PCSK1: variants seen among roughly 807,000 people sequenced by gnomAD.
The protein encoded by PCSK1 is proprotein convertase subtilisin/kexin type 1.
PCSK1 carries 56 observed loss-of-function variants against 90.6 expected under a neutral mutation model. That is an observed-to-expected ratio of 0.62 (90% CI 0.50 to 0.77). The LOEUF is 0.77. Ranked by LOEUF, PCSK1 falls within the 30% of genes least tolerant of loss-of-function variation. The pLI is 0.00. For missense variants in PCSK1, 801 were observed against 932.6 expected (o/e 0.86, Z 1.84); for synonymous variants, 348 against 342.4 (o/e 1.02, Z -0.18).
intron 5 of PCSK1, 65 bp downstream of exon 5, chr5:96,421,815 A>G: frequency 1.1e-6 from 1 of 898,310 alleles, no homozygotes; most frequent in Non-Finnish European, 1.9e-6. Flanking sequence ...ATATGGTATA[A>G]TTTTCTCAAA....
chr5:96,420,680 T>G (rs1419937768), intron 5 of PCSK1, among the ~76,000 whole-genome samples: 1 of 136,346 alleles, frequency 7.3e-6, no homozygotes, highest in Non-Finnish European at 1.5e-5. Context: ...AAGAAAGAAA[T>G]AACTTTAGAT....
At chr5:96,418,371 T>A (rs1761001333) in intron 5 of PCSK1, among the ~76,000 whole-genome samples, 1 of 152,248 alleles carries the variant, frequency 6.6e-6, no homozygotes, top group Non-Finnish European at 1.5e-5. Flanking sequence ...GTTTAAATAC[T>A]ACCCTTATTC....
At position 96,412,323 on chromosome 5, in the gene PCSK1, T is replaced by G. The variant is rs1760782150; in HGVS notation, c.877A>C (p.Lys293Gln). 1 of 1,613,942 alleles carries G rather than the reference T, an allele frequency of 6.2e-7. No individual in the cohort carries two copies. The highest frequency in any genetic ancestry group is 1.3e-5 in the African/African-American group (1 of 74,922). ...LAQKAFEYGV[K>Q]QGRQGKGSIF... ...GTCTGTGTAAAGCATCTTACCTGTT[T>G]GACACCATATTCAAAAGCCTTCTGG... The change falls in exon 7 of 14, where the codon AAA becomes CAA. Residue 293 changes from lysine to glutamine, a missense_variant. Coordinates refer to ENST00000311106, the MANE Select transcript of PCSK1 (RefSeq NM_000439.5).
chr5:96,416,624 C>T (rs1760945766), intron 5 of PCSK1, among the ~76,000 whole-genome samples: 1 of 152,124 alleles, frequency 6.6e-6, no homozygotes, highest in South Asian at 2.1e-4. Flanking sequence ...TAGAACAAGT[C>T]CCCTATTAAG....
At chr5:96,404,257 G>C (rs1760480446) in intron 9 of PCSK1, among the ~76,000 whole-genome samples, 1 of 152,148 alleles carries the variant, frequency 6.6e-6, no homozygotes, top group Admixed American at 6.5e-5. Context: ...CTTGGTTAAG[G>C]TATTACTAGC....
At chr5:96,415,881 G>T in intron 6 of PCSK1, 152 bp downstream of exon 6, 1 of 656,202 alleles carries the variant, frequency 1.5e-6, no homozygotes, top group East Asian at 2.8e-5. Context: ...TTGACTCGCT[G>T]GCAAATCATA....
chr5:96,415,914 G>T, intron 6 of PCSK1, 119 bp downstream of exon 6: 1 of 721,350 alleles, frequency 1.4e-6, no homozygotes, highest in Non-Finnish European at 2.5e-6. Context: ...AGCAACTTTG[G>T]CATGGAACTA....
intron 3 of PCSK1, among the ~76,000 whole-genome samples, chr5:96,424,970 AAAG>A (rs1439515393): frequency 0.01 from 1,545 of 148,574 alleles, 46 homozygotes; most frequent in African/African-American, 0.037. Context: ...TCAAAAAAAA[AAAG>A]AAAGATAGAA....
At chr5:96,431,209 A>T (rs1761482432) in intron 1 of PCSK1, among the ~76,000 whole-genome samples, 1 of 152,096 alleles carries the variant, frequency 6.6e-6, no homozygotes, top group Non-Finnish European at 1.5e-5. Flanking sequence ...ATTCCTAATA[A>T]TTGCGTGCAA....
chr5:96,391,429 A>C lies in PCSK1; in HGVS notation c.*1572T>G, dbSNP rs1759933798. 6.6e-6 allele frequency: 1 copy of C among 152,234 alleles called. No homozygotes were observed. The highest frequency in any genetic ancestry group is 6.5e-5 in the Admixed American group (1 of 15,282). The allele number at this position is 152,234 out of a possible 1,614,324, so 9.4% of individuals were successfully genotyped here. On this transcript the variant is annotated 3_prime_UTR_variant, in exon 14 of 14. Transcript: ENST00000311106. ...GTAGGTGACTGGAGACTTTGTAAGC[A>C]TATTGAGAGAAGGAAGCCAGAAGGT... is the stretch of plus-strand genomic sequence containing the variant.
At chr5:96,403,793 G>T (rs1041904270) in intron 9 of PCSK1, among the ~76,000 whole-genome samples, 8 of 152,090 alleles carry the variant, frequency 5.3e-5, no homozygotes, top group Non-Finnish European at 8.8e-5. Flanking sequence ...TTCTAACTTG[G>T]ACTTTCTAAC....
Position 96,392,678 on chromosome 5 carries a change from T to C in PCSK1, c.*323A>G, listed in dbSNP as rs1759984593. The C allele has an allele frequency of 4.0e-6, 1 of 251,914 alleles. No homozygotes were observed. The highest frequency in any genetic ancestry group is 7.5e-6 in the Non-Finnish European group (1 of 132,618). 15.6% of individuals were successfully genotyped at this position (251,914 alleles called of 1,614,324 possible). On this transcript the variant is annotated 3_prime_UTR_variant, in exon 14 of 14. Transcript: ENST00000311106. ...GATATCCCAGGTTTTGCCTTTTCTT[T>C]TGAGAATTGAAATGGGCTCTAATGC... is the stretch of plus-strand genomic sequence containing the variant.
intron 6 of PCSK1, 140 bp downstream of exon 6, chr5:96,415,893 T>G: frequency 2.9e-6 from 2 of 679,862 alleles, no homozygotes; most frequent in Non-Finnish European, 5.4e-6. Flanking sequence ...CAAATCATAT[T>G]CAAGTCCTGT....
At chr5:96,397,583 C>G in intron 11 of PCSK1, 114 bp from the exon 12 acceptor site, 1 of 983,982 alleles carries the variant, frequency 1.0e-6, no homozygotes, top group Non-Finnish European at 1.6e-6. Flanking sequence ...CTAATTTTCT[C>G]TTTTAGTATA....
rs905367838 is a variant in PCSK1 at position 96,394,577 on chromosome 5, A to T, written c.1884+287T>A. ...TGTTAGATATATGTGATTGGGCATA[A>T]AGATAACTTTTTTTTCCATTTGTTA... On this transcript the variant is annotated intron_variant, in intron 13 of 13. Transcript: ENST00000311106. 2.6e-5 allele frequency among the ~76,000 whole-genome samples: 4 copies of T among 152,246 alleles called. No individual in the cohort carries two copies. The East Asian group carries it at 5.8e-4, about 22-fold the overall frequency.
chr5:96,399,997 A>C lies in PCSK1; in HGVS notation c.1386T>G (p.Pro462=). The part of the protein sequence containing the change: ...LADPRTWRSV[P]EKKECVVKDN... ...CCTTTACAACACACTCTTTCTTCTC[A>C]GGCACGCTCCTCCAGGTCCTGGGGT... The change falls in exon 10 of 14, where the codon CCT becomes CCG. Residue 462 remains proline, a synonymous_variant. Transcript: ENST00000311106. 1 of 1,614,178 alleles carries C rather than the reference A, an allele frequency of 6.2e-7. No homozygotes were observed. The highest frequency in any genetic ancestry group is 8.5e-7 in the Non-Finnish European group (1 of 1,180,002).
intron 8 of PCSK1, among the ~76,000 whole-genome samples, chr5:96,409,584 G>T (rs867930773): frequency 1.3e-5 from 2 of 152,294 alleles, no homozygotes; most frequent in South Asian, 4.1e-4. Context: ...TTCAGTGCAG[G>T]TTACCCAAGA....
chr5:96,411,613 G>C (rs1451684655), intron 7 of PCSK1, among the ~76,000 whole-genome samples: 1 of 152,166 alleles, frequency 6.6e-6, no homozygotes, highest in African/African-American at 2.4e-5. Flanking sequence ...AGAGCAGAAG[G>C]CAACACGTTT....
intron 1 of PCSK1, 72 bp from the exon 2 acceptor site, chr5:96,429,389 G>T: frequency 3.6e-6 from 3 of 839,888 alleles, no homozygotes; most frequent in African/African-American, 1.7e-5. Context: ...TTAAAACTCA[G>T]CTAACTTAGA....
Sources: gnomAD v4.1 joint callset for allele counts (sites outside exome capture counted in the v4.1 genomes callset) on GRCh38, gnomAD v4.1.1 for gene constraint, MANE v1.5 for transcripts, NCBI Gene and HGNC (gene_info 2026-07-23, HGNC 2026-07-21) for gene names.